Variants in DST observed in about 807,000 individuals in gnomAD.
DST encodes dystonin.
In DST, 253 loss-of-function variants were observed where a neutral mutation model predicts 875.2. The observed-to-expected ratio is 0.29, with a 90% confidence interval of 0.26 to 0.32. The LOEUF is 0.32. Ranked by LOEUF, DST falls within the 10% of genes least tolerant of loss-of-function variation. The pLI is 1.00. For synonymous variants in DST, 3,124 were observed against 3,197.1 expected (o/e 0.98, Z 0.77); for missense variants, 8,287 against 9,111.6 (o/e 0.91, Z 3.68).
intron 49 of DST, among the ~76,000 whole-genome samples, chr6:56,580,749 G>C (rs925122313): frequency 6.7e-4 from 96 of 143,426 alleles, no homozygotes; most frequent in African/African-American, 2.0e-3. Flanking sequence ...TTTTTGGTTG[G>C]GGGGGCAGCG....
Position 56,463,548 on chromosome 6 carries a change from T to G in DST, c.22959+17A>C. ...TGATTGCAAAGGTGGAGGAAAAGTC[T>G]TCATCCTGAGTCTTACCTTGGGTGT... On this transcript the variant is annotated intron_variant, in intron 101 of 103. Coordinates refer to ENST00000680361, the MANE Select transcript of DST (RefSeq NM_001374736.1). The G allele has an allele frequency of 1.9e-6, 3 of 1,543,186 alleles. No individual in the cohort carries two copies. The highest frequency in any genetic ancestry group is 2.6e-6 in the Non-Finnish European group (3 of 1,148,196).
At position 56,646,107 on chromosome 6, in the gene DST, G is replaced by A. The variant is rs1194891620; in HGVS notation, c.1630C>T (p.Arg544Cys). Reference protein sequence around the residue: ...PKETEKSKIKRLYKLLEIWIE... With the variant: ...PKETEKSKIKCLYKLLEIWIE... Reference sequence around the variant, plus strand: ...CTTACCTCTAATAATTTATATAGACGTTTAATTTTTGATTTTTCTGTCTCC... The same window carrying A: ...CTTACCTCTAATAATTTATATAGACATTTAATTTTTGATTTTTCTGTCTCC... Residue 544 changes from arginine (R) to cysteine (C), a missense_variant, in exon 14 of 104, where the codon CGT (arginine) becomes TGT (cysteine). Physicochemically the swap from Arg to Cys is radical, Grantham distance 180 (BLOSUM62 -3). Coordinates refer to ENST00000680361, the MANE Select transcript of DST (RefSeq NM_001374736.1). 22 of 1,546,502 alleles carry A rather than the reference G, an allele frequency of 1.4e-5. No individual in the cohort carries two copies. The highest frequency in any genetic ancestry group is 1.7e-4 in the Middle Eastern group (1 of 5,926).
rs142784095 is a variant in DST at position 56,889,731 on chromosome 6, C to T, written c.417+10690G>A. ...ACTGTTATTTCCCCATACCCACCCC[C>T]AATCTCAAACACATAAATACTTTTT... On this transcript the variant is annotated intron_variant, in intron 3 of 103. Coordinates refer to ENST00000680361, the MANE Select transcript of DST (RefSeq NM_001374736.1). Among the ~76,000 whole-genome samples the T allele has an allele frequency of 2.3e-3, 346 of 152,284 alleles. 4 individuals are homozygous for T. Among genetic ancestry groups the T allele is most frequent in the Middle Eastern group, 0.014 (4 of 294 alleles).
intron 69 of DST, among the ~76,000 whole-genome samples, chr6:56,520,878 T>C (rs2096684377): frequency 6.6e-6 from 1 of 152,084 alleles, no homozygotes; most frequent in South Asian, 2.1e-4. Flanking sequence ...ACAAGCAGTG[T>C]TTTGCTATAA....
chr6:56,508,912 G>T (rs989811852), intron 74 of DST, among the ~76,000 whole-genome samples, 157 bp from the exon 75 acceptor site: 3 of 152,158 alleles, frequency 2.0e-5, no homozygotes, highest in Non-Finnish European at 4.4e-5. Flanking sequence ...ATATCAGTGG[G>T]TCCAAGAGTC....
chr6:56,879,828 C>A (rs1412794743), intron 3 of DST, among the ~76,000 whole-genome samples: 3 of 152,184 alleles, frequency 2.0e-5, no homozygotes, highest in Non-Finnish European at 4.4e-5. Context: ...CTGGTAAGTG[C>A]TGAAACCAGA....
At chr6:56,585,056 T>G (rs1418231933) in intron 49 of DST, among the ~76,000 whole-genome samples, 17 of 152,128 alleles carry the variant, frequency 1.1e-4, no homozygotes, top group African/African-American at 4.1e-4. Context: ...TAAAATTCTC[T>G]TTTTTGGTTG....
intron 4 of DST, among the ~76,000 whole-genome samples, chr6:56,792,829 A>G (rs921148799): frequency 6.6e-6 from 1 of 152,140 alleles, no homozygotes; most frequent in African/African-American, 2.4e-5. Context: ...TCACTTTGGG[A>G]GGCCAAAGCA....
At chr6:56,759,143 G>A (rs1055067835) in intron 4 of DST, among the ~76,000 whole-genome samples, 4 of 152,096 alleles carry the variant, frequency 2.6e-5, no homozygotes, top group Non-Finnish European at 5.9e-5. Flanking sequence ...GAATACTTAT[G>A]TACCCCAATA....
chr6:56,871,360 G>A (rs1777002802), intron 3 of DST: 8 of 1,097,764 alleles, frequency 7.3e-6, no homozygotes, highest in Non-Finnish European at 9.9e-6. Flanking sequence ...CAGAAACAGT[G>A]TGTACCATTC....
intron 5 of DST, among the ~76,000 whole-genome samples, chr6:56,708,709 TA>T (rs909712993): frequency 8.5e-5 from 13 of 152,138 alleles, no homozygotes; most frequent in Non-Finnish European, 1.9e-4. Context: ...TATTAAAAAT[TA>T]AAAATCAACA....
intron 93 of DST, 72 bp downstream of exon 93, chr6:56,473,801 C>A: frequency 6.8e-7 from 1 of 1,475,758 alleles, no homozygotes; most frequent in Admixed American, 2.3e-5. Context: ...CCCCAAATTT[C>A]AAATAATTCA....
At chr6:56,620,701 C>T in intron 36 of DST, 1 of 1,613,854 alleles carries the variant, frequency 6.2e-7, no homozygotes, top group Non-Finnish European at 8.5e-7. Context: ...CAGAAGTCTC[C>T]TTACACCTTT....
rs145948044 is a variant in DST at position 56,935,419 on chromosome 6, T to G, written c.216+18366A>C. Among the ~76,000 whole-genome samples, 513 of 152,384 alleles carry G rather than the reference T, an allele frequency of 3.4e-3. 6 individuals carry two copies. The highest frequency in any genetic ancestry group is 9.9e-3 in the Admixed American group (151 of 15,308). On this transcript the variant is annotated intron_variant, in intron 2 of 103. Coordinates refer to ENST00000680361, the MANE Select transcript of DST (RefSeq NM_001374736.1). ...AGTAGCAGGAATATACTATTTAATG[T>G]TCTTTTAATGATTCTTCAAAGTTGG... is the stretch of plus-strand genomic sequence containing the variant.
intron 4 of DST, among the ~76,000 whole-genome samples, chr6:56,791,089 C>A (rs1039169599): frequency 1.3e-5 from 2 of 152,274 alleles, no homozygotes; most frequent in Non-Finnish European, 1.5e-5. Context: ...CCAGAAGCTA[C>A]CTTTTAGATC....
rs777265971 is a variant in DST at position 56,572,171 on chromosome 6, C to T, written c.13650G>A (p.Lys4550=). ...TATTTGTTTTTTCAAGGACCAAAGC[C>T]TTATCACTTGGTAAGCCATGGCTGG... is the stretch of plus-strand genomic sequence containing the variant. ...EISSHGLPSD[K]ALVLEKTNNL... is the part of the protein sequence containing the mutation. The change falls in exon 53 of 104, where the codon AAG becomes AAA. Residue 4550 remains lysine (K), a synonymous_variant. Coordinates refer to ENST00000680361, the MANE Select transcript of DST (RefSeq NM_001374736.1). 1.9e-6 allele frequency: 3 copies of T among 1,552,994 alleles called. No homozygotes were observed. In the South Asian group the frequency reaches 3.7e-5, roughly 19 times the overall value.
rs371056674 is a variant in DST at position 56,802,768 on chromosome 6, TTA to T, written c.625+48627_625+48628del. ...ATGTGGCCTCTTGGAAGGGAAAAAT[TTA>T]TGTCTGCTTTTGAATGTTGTTTGCC... On this transcript the variant is annotated intron_variant, in intron 4 of 103. Coordinates refer to ENST00000680361, the MANE Select transcript of DST (RefSeq NM_001374736.1). Among the ~76,000 whole-genome samples, 504 of 152,290 alleles carry T rather than the reference TTA, an allele frequency of 3.3e-3. 3 individuals carry two copies. The highest frequency in any genetic ancestry group is 0.012 in the African/African-American group (489 of 41,550).
At chr6:56,498,160 G>A (rs1463261540) in intron 80 of DST, 107 bp from the exon 81 acceptor site, 14 of 1,101,670 alleles carry the variant, frequency 1.3e-5, no homozygotes, top group African/African-American at 1.6e-5. Context: ...AAACAAAAAC[G>A]TTATATGTGT....
chr6:56,949,807 T>C (rs897733958), intron 2 of DST, among the ~76,000 whole-genome samples: 1 of 152,232 alleles, frequency 6.6e-6, no homozygotes, highest in Non-Finnish European at 1.5e-5. Flanking sequence ...CCTAATCCAC[T>C]AAATTAGGTA....
Sources: gnomAD v4.1 joint callset for allele counts (sites outside exome capture counted in the v4.1 genomes callset) on GRCh38, gnomAD v4.1.1 for gene constraint, MANE v1.5 for transcripts, NCBI Gene and HGNC (gene_info 2026-07-23, HGNC 2026-07-21) for gene names.